PRKCE: variants seen among roughly 807,000 people sequenced by gnomAD.
The protein encoded by PRKCE is protein kinase C epsilon type.
A neutral mutation model predicts 85.4 loss-of-function variants in PRKCE; 16 were observed. That is an observed-to-expected ratio of 0.19 (90% CI 0.13 to 0.28). PRKCE has a LOEUF of 0.28. Ranked by LOEUF, PRKCE falls within the 10% of genes least tolerant of loss-of-function variation. PRKCE has a pLI of 1.00. For synonymous variants in PRKCE, 388 were observed against 371.5 expected (o/e 1.04, Z -0.51); for missense variants, 573 against 975.2 (o/e 0.59, Z 5.49).
Position 45,872,793 on chromosome 2 carries a change from A to G in PRKCE, c.412+29730A>G, listed in dbSNP as rs559824323. On this transcript the variant is annotated intron_variant, in intron 2 of 14. Transcript: ENST00000306156. ...GGGCTGGGGCCATTTCAAATTTGAG[A>G]TGTCTAGGAGATATCCAGATGTCTG... Among the ~76,000 whole-genome samples the G allele has an allele frequency of 9.9e-5, 15 of 152,226 alleles. No individual in the cohort carries two copies. In the South Asian group the frequency reaches 2.7e-3, roughly 27 times the overall value.
chr2:45,837,895 A>T (rs1691022488), intron 1 of PRKCE, among the ~76,000 whole-genome samples: 1 of 151,932 alleles, frequency 6.6e-6, no homozygotes, highest in Non-Finnish European at 1.5e-5. Flanking sequence ...AAATAACAAA[A>T]CTCGCTACCT....
chr2:45,936,061 T>C (rs6544863), intron 2 of PRKCE, among the ~76,000 whole-genome samples: 63,074 of 151,970 alleles, frequency 0.42, 13,481 homozygotes, highest in African/African-American at 0.49. Context: ...GAGGCTCTGT[T>C]AGGAGCCAGC....
chr2:45,739,508 C>T (rs182860110), intron 1 of PRKCE, among the ~76,000 whole-genome samples: 34 of 152,290 alleles, frequency 2.2e-4, no homozygotes, highest in African/African-American at 8.2e-4. Context: ...ATCTAATGTC[C>T]AGTCTCTTAA....
chr2:46,171,287 T>C (rs1157157488), intron 14 of PRKCE, among the ~76,000 whole-genome samples: 1 of 151,972 alleles, frequency 6.6e-6, no homozygotes, highest in African/African-American at 2.4e-5. Flanking sequence ...GTCCCAGGCA[T>C]CTCCTGGGGT....
At chr2:45,999,501 G>C (rs149560073) in intron 6 of PRKCE, among the ~76,000 whole-genome samples, 4 of 151,568 alleles carry the variant, frequency 2.6e-5, no homozygotes, top group Non-Finnish European at 4.4e-5. Flanking sequence ...TTCTTTCAGC[G>C]TTTTTTAAAT....
At chr2:45,996,416 A>G (rs1372647416) in intron 6 of PRKCE, among the ~76,000 whole-genome samples, 1 of 152,100 alleles carries the variant, frequency 6.6e-6, no homozygotes, top group African/African-American at 2.4e-5. Context: ...AGGAGTGGTG[A>G]GAGGGAGCAT....
intron 2 of PRKCE, among the ~76,000 whole-genome samples, chr2:45,958,974 A>T (rs1347001635): frequency 2.0e-5 from 3 of 150,906 alleles, no homozygotes; most frequent in Non-Finnish European, 4.4e-5. Context: ...AGAAAGAGCC[A>T]CGTCAGGGGT....
intron 2 of PRKCE, among the ~76,000 whole-genome samples, chr2:45,966,749 G>A (rs1701758399): frequency 6.6e-6 from 1 of 152,042 alleles, no homozygotes; most frequent in African/African-American, 2.4e-5. Flanking sequence ...TGTGGGATGG[G>A]GTGTGGGGAA....
intron 5 of PRKCE, among the ~76,000 whole-genome samples, chr2:45,982,198 A>G (rs1314817264): frequency 6.6e-6 from 1 of 150,564 alleles, no homozygotes; most frequent in Non-Finnish European, 1.5e-5. Context: ...GTGTCAGTGT[A>G]TCTGCCCCTC....
intron 1 of PRKCE, among the ~76,000 whole-genome samples, chr2:45,754,254 A>T (rs1441178892): frequency 6.6e-6 from 1 of 152,096 alleles, no homozygotes; most frequent in Non-Finnish European, 1.5e-5. Context: ...CTTTCACTTT[A>T]TTCTATTTTC....
At chr2:45,851,536 G>T (rs1692257557) in intron 2 of PRKCE, among the ~76,000 whole-genome samples, 1 of 152,140 alleles carries the variant, frequency 6.6e-6, no homozygotes, top group African/African-American at 2.4e-5. Flanking sequence ...GGAAAGGAAA[G>T]GGAAAATTTG....
intron 2 of PRKCE, among the ~76,000 whole-genome samples, chr2:45,964,911 A>G (rs931066455): frequency 6.6e-6 from 1 of 152,146 alleles, no homozygotes; most frequent in African/African-American, 2.4e-5. Flanking sequence ...TTTTGTTTTC[A>G]TACCTGGACA....
intron 2 of PRKCE, among the ~76,000 whole-genome samples, chr2:45,927,093 T>A (rs929326610): frequency 6.6e-6 from 1 of 150,444 alleles, no homozygotes; most frequent in Non-Finnish European, 1.5e-5. Context: ...TGAGCGTGCA[T>A]GGGACAAGGA....
At chr2:45,942,583 T>G (rs1394604710) in intron 2 of PRKCE, among the ~76,000 whole-genome samples, 1 of 152,184 alleles carries the variant, frequency 6.6e-6, no homozygotes, top group African/African-American at 2.4e-5. Context: ...GGGTGTGCAC[T>G]CAGTAAATTA....
At chr2:45,929,134 A>T (rs1466333408) in intron 2 of PRKCE, among the ~76,000 whole-genome samples, 2 of 152,142 alleles carry the variant, frequency 1.3e-5, no homozygotes, top group East Asian at 3.8e-4. Flanking sequence ...GGCTATTTAC[A>T]GACTTGTCAT....
chr2:45,686,366 A>G (rs2103997004), intron 1 of PRKCE: 1 of 152,322 alleles, frequency 6.6e-6, no homozygotes, highest in South Asian at 2.1e-4. Flanking sequence ...AAGGAGGTCT[A>G]CTACTACTGC....
rs76692194 is a variant in PRKCE at position 45,905,813 on chromosome 2, T to G, written c.412+62750T>G. Among the ~76,000 whole-genome samples, 11 of 152,332 alleles carry G rather than the reference T, an allele frequency of 7.2e-5. No individual in the cohort carries two copies. The South Asian group carries it at 2.3e-3, about 32-fold the overall frequency. ...TTGACCTGAACTGCTTACTCAACTC[T>G]GTACTCAGTTACAAATTGGGTGAGA... is the stretch of plus-strand genomic sequence containing the variant. On this transcript the variant is annotated intron_variant, in intron 2 of 14. Transcript: ENST00000306156. The surrounding 1 kb of genome is among the most constrained non-coding windows in gnomAD (Gnocchi z 4.4).
chr2:46,081,103 C>T (rs929614116), intron 10 of PRKCE, among the ~76,000 whole-genome samples: 1 of 152,170 alleles, frequency 6.6e-6, no homozygotes, highest in Non-Finnish European at 1.5e-5. Context: ...GCAACCCTCC[C>T]ACCTCAGCCT....
chr2:45,932,092 T>C (rs936656949), intron 2 of PRKCE, among the ~76,000 whole-genome samples: 1 of 152,104 alleles, frequency 6.6e-6, no homozygotes, highest in Non-Finnish European at 1.5e-5. Flanking sequence ...CCCTCCATCC[T>C]CTCTTCTGCT....
Sources: gnomAD v4.1 joint callset for allele counts (sites outside exome capture counted in the v4.1 genomes callset) on GRCh38, gnomAD v4.1.1 for gene constraint, Gnocchi (gnomAD v3.1) non-coding constraint, MANE v1.5 for transcripts, NCBI Gene and HGNC (gene_info 2026-07-23, HGNC 2026-07-21) for gene names.